The following EPAS1 variants were observed in gnomAD, a reference collection of about 807,000 sequenced individuals.
EPAS1 encodes the protein endothelial PAS domain-containing protein 1.
EPAS1 carries 23 observed loss-of-function variants against 87.9 expected under a neutral mutation model. The observed-to-expected ratio is 0.26, with a 90% CI of 0.19 to 0.37. The LOEUF is 0.37. EPAS1 is among the 10% of genes least tolerant of loss of function. The pLI is 1.00. For synonymous variants in EPAS1, 508 were observed against 444.3 expected (o/e 1.14, Z -1.80); for missense variants, 1,138 against 1,120.7 (o/e 1.02, Z -0.22).
At chr2:46,304,285 G>A (rs1392031543) in intron 1 of EPAS1, among the ~76,000 whole-genome samples, 1 of 152,060 alleles carries the variant, frequency 6.6e-6, no homozygotes, top group South Asian at 2.1e-4. Context: ...TTCATTGATG[G>A]GAAAGCTGAA....
chr2:46,337,084 A>G (rs1172190712), intron 1 of EPAS1, among the ~76,000 whole-genome samples: 3 of 152,240 alleles, frequency 2.0e-5, no homozygotes, highest in Non-Finnish European at 4.4e-5. Flanking sequence ...TGAGGAATCC[A>G]CAGAACTGAA....
chr2:46,318,457 A>G lies in EPAS1; in HGVS notation c.26+20520A>G, dbSNP rs1683389084. On this transcript the variant is annotated intron_variant, in intron 1 of 15. Coordinates refer to ENST00000263734, the MANE Select transcript of EPAS1 (RefSeq NM_001430.5). ...AAAATGGCATGGATAAACTTGCCTG[A>G]CAAACCTTCAATTTGTAAAAAGTGC... 2.0e-5 allele frequency among the ~76,000 whole-genome samples: 3 copies of G among 152,382 alleles called. No homozygotes were observed. The South Asian group carries it at 6.2e-4, about 32-fold the overall frequency.
At chr2:46,370,258 C>T (rs1415465605) in intron 7 of EPAS1, among the ~76,000 whole-genome samples, 1 of 152,212 alleles carries the variant, frequency 6.6e-6, no homozygotes, top group African/African-American at 2.4e-5. Context: ...CAGTGGTTTG[C>T]ACACCTTGTG....
intron 1 of EPAS1, among the ~76,000 whole-genome samples, chr2:46,309,094 T>A (rs149213330): frequency 6.6e-6 from 1 of 152,244 alleles, no homozygotes; most frequent in Non-Finnish European, 1.5e-5. Flanking sequence ...AGTAATTATT[T>A]GTAGACTGAG....
At chr2:46,307,557 ACT>A (rs1348107131) in intron 1 of EPAS1, among the ~76,000 whole-genome samples, 2 of 151,490 alleles carry the variant, frequency 1.3e-5, no homozygotes, top group Non-Finnish European at 2.9e-5. Context: ...TCTTGCTATC[ACT>A]CTGTTTGTCT....
intron 6 of EPAS1, among the ~76,000 whole-genome samples, chr2:46,368,217 T>C (rs899831825): frequency 3.9e-5 from 6 of 152,116 alleles, no homozygotes; most frequent in East Asian, 1.9e-4. Context: ...ACGAGAGACG[T>C]TGTGCTGGAG....
intron 1 of EPAS1, among the ~76,000 whole-genome samples, chr2:46,322,528 T>C (rs550003242): frequency 2.0e-4 from 30 of 152,202 alleles, no homozygotes; most frequent in Non-Finnish European, 2.9e-4. Flanking sequence ...AGGTCTGAGG[T>C]GGAGCCTGAG....
chr2:46,367,526 T>TC (rs1289196532), intron 6 of EPAS1, among the ~76,000 whole-genome samples: 1 of 152,208 alleles, frequency 6.6e-6, no homozygotes, highest in Non-Finnish European at 1.5e-5. Context: ...GTCTCCTTGT[T>TC]CCCCCCAGTC....
intron 1 of EPAS1, among the ~76,000 whole-genome samples, chr2:46,304,195 A>G (rs1229351578): frequency 6.6e-6 from 1 of 152,194 alleles, no homozygotes; most frequent in Non-Finnish European, 1.5e-5. Flanking sequence ...TGACAGTCTT[A>G]TTTGTGCCAG....
intron 1 of EPAS1, among the ~76,000 whole-genome samples, chr2:46,315,752 G>A (rs1246619704): frequency 2.0e-5 from 3 of 152,254 alleles, no homozygotes; most frequent in Non-Finnish European, 1.5e-5. Context: ...ATCTGCAAAC[G>A]TCACCCAGGG....
At chr2:46,314,825 A>C (rs1683280321) in intron 1 of EPAS1, among the ~76,000 whole-genome samples, 1 of 152,230 alleles carries the variant, frequency 6.6e-6, no homozygotes, top group Non-Finnish European at 1.5e-5. Context: ...GGCATGGCCC[A>C]ACCCACTTCC....
chr2:46,378,279 A>G (rs1005082377), intron 10 of EPAS1, among the ~76,000 whole-genome samples, 192 bp downstream of exon 10: 3 of 152,222 alleles, frequency 2.0e-5, no homozygotes, highest in African/African-American at 7.2e-5. Context: ...CCCCAACTCC[A>G]TTGAAATAAG....
intron 1 of EPAS1, among the ~76,000 whole-genome samples, chr2:46,303,451 G>T (rs1237851696): frequency 1.3e-5 from 2 of 152,134 alleles, no homozygotes; most frequent in South Asian, 2.1e-4. Flanking sequence ...CCCCTGAAAT[G>T]GAATGTTTGC....
chr2:46,338,911 C>T (rs1683851600), intron 1 of EPAS1, among the ~76,000 whole-genome samples: 2 of 146,708 alleles, frequency 1.4e-5, no homozygotes, highest in South Asian at 4.5e-4. Context: ...AATCTGCCAA[C>T]TCAGCTTTCA....
chr2:46,365,840 G>A (rs1684488981), intron 6 of EPAS1, among the ~76,000 whole-genome samples: 1 of 152,084 alleles, frequency 6.6e-6, no homozygotes, highest in Admixed American at 6.5e-5. Context: ...AAACCAAAAT[G>A]AGATAAATCA....
At chr2:46,376,014 G>T (rs1010729467) in intron 8 of EPAS1, among the ~76,000 whole-genome samples, 177 bp downstream of exon 8, 1 of 152,206 alleles carries the variant, frequency 6.6e-6, no homozygotes, top group Non-Finnish European at 1.5e-5. Context: ...GGATGTCTTG[G>T]AACAGTGGGA....
At chr2:46,363,054 T>C (rs1267195577) in intron 6 of EPAS1, among the ~76,000 whole-genome samples, 1 of 151,860 alleles carries the variant, frequency 6.6e-6, no homozygotes, top group Non-Finnish European at 1.5e-5. Context: ...GATTGCACTT[T>C]TAGTGACAGG....
In EPAS1 at chr2:46,384,663, C is replaced by G; in HGVS notation, c.*3C>G. ...GAGCCCTGGACCAGGCCACCTGAGC[C>G]AGGCCTTCTACCTGGGCAGCACCTC... On this transcript the variant is annotated 3_prime_UTR_variant, in exon 16 of 16. Transcript: ENST00000263734. The G allele has an allele frequency of 6.2e-7, 1 of 1,613,516 alleles. No homozygotes were observed. Among genetic ancestry groups the G allele is most frequent in the Admixed American group, 1.7e-5 (1 of 60,008 alleles).
intron 1 of EPAS1, among the ~76,000 whole-genome samples, chr2:46,318,113 A>C (rs1462895156): frequency 6.6e-6 from 1 of 152,064 alleles, no homozygotes; most frequent in East Asian, 1.9e-4. Context: ...AGAGTTATTA[A>C]AATTGGTCTA....
Sources: allele counts gnomAD v4.1 joint callset (sites outside exome capture counted in the v4.1 genomes callset), GRCh38; gene constraint gnomAD v4.1.1; transcripts MANE v1.5; gene names NCBI Gene and HGNC (gene_info 2026-07-23, HGNC 2026-07-21).